Variants in ME3 observed in about 807,000 individuals in gnomAD.
ME3 encodes the protein NADP-dependent malic enzyme, mitochondrial.
Under a neutral mutation model 68.9 loss-of-function variants are expected in ME3, and 48 were observed. That is an observed-to-expected ratio of 0.70 (90% CI 0.55 to 0.89). The LOEUF is 0.89. ME3 is among the 40% of genes least tolerant of loss of function. The pLI is 0.00. For missense variants in ME3, 675 were observed against 797.4 expected (o/e 0.85, Z 1.85); for synonymous variants, 320 against 318.8 (o/e 1.00, Z -0.04).
At chr11:86,596,045 A>C (rs1027703916) in intron 2 of ME3, among the ~76,000 whole-genome samples, 3 of 152,208 alleles carry the variant, frequency 2.0e-5, no homozygotes, top group Non-Finnish European at 4.4e-5. Context: ...AATTTGTTGA[A>C]CTTTCAGTTA....
At chr11:86,507,104 T>G (rs1274474490) in intron 5 of ME3, among the ~76,000 whole-genome samples, 1 of 152,160 alleles carries the variant, frequency 6.6e-6, no homozygotes, top group East Asian at 1.9e-4. Context: ...ACCTGCTCTG[T>G]TTTTAAGTAA....
At chr11:86,569,178 G>T (rs1441902409) in intron 2 of ME3, among the ~76,000 whole-genome samples, 1 of 152,220 alleles carries the variant, frequency 6.6e-6, no homozygotes, top group Admixed American at 6.5e-5. Context: ...CTGGAGAGGA[G>T]CCTTGAAGGA....
chr11:86,474,545 C>A (rs1950957690), intron 7 of ME3, among the ~76,000 whole-genome samples: 1 of 152,192 alleles, frequency 6.6e-6, no homozygotes, highest in South Asian at 2.1e-4. Flanking sequence ...GCTTATAAAG[C>A]TTTCTTGGCC....
intron 4 of ME3, among the ~76,000 whole-genome samples, chr11:86,512,491 A>G (rs1035317771): frequency 5.3e-5 from 8 of 152,270 alleles, no homozygotes. Flanking sequence ...TTCTGAATAA[A>G]TGGAAAATGG....
intron 6 of ME3, among the ~76,000 whole-genome samples, chr11:86,490,688 A>C (rs1951948392): frequency 6.6e-6 from 1 of 152,224 alleles, no homozygotes; most frequent in African/African-American, 2.4e-5. Flanking sequence ...GGAAGGACAT[A>C]CATAAAAATG....
At chr11:86,653,323 A>G (rs931909476) in intron 2 of ME3, among the ~76,000 whole-genome samples, 12 of 152,228 alleles carry the variant, frequency 7.9e-5, no homozygotes, top group Admixed American at 7.2e-4. Context: ...CACCCATTCC[A>G]AAATTGACCA....
At chr11:86,489,040 T>A (rs565622610) in intron 6 of ME3, 1 of 152,226 alleles carries the variant, frequency 6.6e-6, no homozygotes, top group African/African-American at 2.4e-5. Flanking sequence ...GAGGAAGAAA[T>A]ACCTGGTGTA....
At chr11:86,623,898 T>C (rs1364452812) in intron 2 of ME3, among the ~76,000 whole-genome samples, 5 of 152,124 alleles carry the variant, frequency 3.3e-5, no homozygotes, top group African/African-American at 9.7e-5. Flanking sequence ...TCTGCCCAGA[T>C]CAAAATCACA....
chr11:86,439,821 C>T (rs776687119), downstream of ME3, among the ~76,000 whole-genome samples: 2 of 152,114 alleles, frequency 1.3e-5, no homozygotes, highest in South Asian at 2.1e-4. Flanking sequence ...TATGTAGCAG[C>T]GATACAGAGG....
At chr11:86,568,530 C>A (rs148248370) in intron 2 of ME3, among the ~76,000 whole-genome samples, 3 of 152,280 alleles carry the variant, frequency 2.0e-5, no homozygotes, top group South Asian at 2.1e-4. Flanking sequence ...CTCTATTTAC[C>A]CATGGGCTCA....
chr11:86,450,005 G>C lies in ME3; in HGVS notation c.1018-3C>G. The stretch of plus-strand genomic sequence containing the variant: ...AGGTGGGCAATGCCCATAGCTGCCT[G>C]GAAGGTACCATAGGGTAGATGTTCA... On this transcript the variant is annotated splice_region_variant and splice_polypyrimidine_tract_variant and intron_variant, in intron 9 of 14. Transcript: ENST00000543262. 6.2e-7 allele frequency: 1 copy of C among 1,604,164 alleles called. No individual in the cohort carries two copies. Among genetic ancestry groups the C allele is most frequent in the Non-Finnish European group, 8.5e-7 (1 of 1,172,528 alleles).
At chr11:86,637,967 T>TACACACACACACACACACACACAC (rs5793205) in intron 2 of ME3, among the ~76,000 whole-genome samples, 16 of 145,158 alleles carry the variant, frequency 1.1e-4, no homozygotes, top group African/African-American at 3.4e-4. Flanking sequence ...TGCTCATGCA[T>TACACACACACACACACACACACAC]ACACACACAC....
intron 2 of ME3, among the ~76,000 whole-genome samples, chr11:86,623,792 A>G (rs1162717737): frequency 6.6e-6 from 1 of 152,168 alleles, no homozygotes; most frequent in Non-Finnish European, 1.5e-5. Context: ...CAATAATGAA[A>G]TGTTCTCTGT....
At chr11:86,588,007 CTAA>C (rs1389550315) in intron 2 of ME3, among the ~76,000 whole-genome samples, 1 of 152,148 alleles carries the variant, frequency 6.6e-6, no homozygotes, top group African/African-American at 2.4e-5. Context: ...GTAAAATGGG[CTAA>C]TAATACTAAT....
At chr11:86,641,210 C>A (rs974608345) in intron 2 of ME3, among the ~76,000 whole-genome samples, 1 of 151,990 alleles carries the variant, frequency 6.6e-6, no homozygotes, top group Admixed American at 6.6e-5. Flanking sequence ...TTCTTCTAAC[C>A]CATTTGAAAA....
intron 4 of ME3, among the ~76,000 whole-genome samples, chr11:86,548,433 G>C (rs1228799923): frequency 6.6e-6 from 1 of 151,992 alleles, no homozygotes; most frequent in African/African-American, 2.4e-5. Context: ...GATCTATTCC[G>C]GCATCAATTC....
At chr11:86,655,737 A>C (rs1274713147) in intron 2 of ME3, among the ~76,000 whole-genome samples, 1 of 151,742 alleles carries the variant, frequency 6.6e-6, no homozygotes, top group Non-Finnish European at 1.5e-5. Context: ...CAAAAGACAA[A>C]ATTGACAAAT....
intron 2 of ME3, among the ~76,000 whole-genome samples, chr11:86,591,708 G>T (rs1436592841): frequency 2.0e-5 from 3 of 152,150 alleles, no homozygotes; most frequent in Admixed American, 2.0e-4. Flanking sequence ...AGGCAAGGAG[G>T]AGCAAGTCGC....
chr11:86,541,007 G>C (rs1168791683), intron 4 of ME3, among the ~76,000 whole-genome samples: 1 of 152,158 alleles, frequency 6.6e-6, no homozygotes, highest in African/African-American at 2.4e-5. Flanking sequence ...AGCAGGGTGG[G>C]GCATCACCTC....
Sources: gnomAD v4.1 joint callset for allele counts (sites outside exome capture counted in the v4.1 genomes callset) on GRCh38, gnomAD v4.1.1 for gene constraint, MANE v1.5 for transcripts, NCBI Gene and HGNC (gene_info 2026-07-23, HGNC 2026-07-21) for gene names.